The following MB21D2 variants were observed in gnomAD, a reference collection of about 807,000 sequenced individuals.
MB21D2 encodes the protein Mab-21 domain containing 2, also known as nucleotidyltransferase MB21D2.
Under a neutral mutation model 33.3 loss-of-function variants are expected in MB21D2, and 9 were observed. The observed-to-expected ratio is 0.27, with a 90% CI of 0.16 to 0.47. The LOEUF (loss-of-function observed/expected upper bound fraction) is 0.47. Ranked by LOEUF, MB21D2 falls within the 20% of genes least tolerant of loss-of-function variation. The probability of loss-of-function intolerance (pLI) is 0.99; values close to 1 mark genes in which losing one functional copy is unlikely to be tolerated. For synonymous variants in MB21D2, 241 were observed against 236.3 expected (o/e 1.02, Z -0.18); for missense variants, 540 against 624.6 (o/e 0.86, Z 1.44).
intron 1 of MB21D2, among the ~76,000 whole-genome samples, chr3:192,871,760 A>C (rs569682125): frequency 2.9e-4 from 44 of 152,176 alleles, no homozygotes; most frequent in African/African-American, 1.0e-3. Context: ...GTTAACAGGG[A>C]TGCTTTTTAA....
intron 1 of MB21D2, among the ~76,000 whole-genome samples, chr3:192,858,022 G>T (rs1172607612): frequency 6.6e-6 from 1 of 152,188 alleles, no homozygotes; most frequent in East Asian, 1.9e-4. Flanking sequence ...CTACCGGGGA[G>T]GCTGAGGCAG....
At chr3:192,897,064 G>A (rs1713991377) in intron 1 of MB21D2, among the ~76,000 whole-genome samples, 1 of 152,102 alleles carries the variant, frequency 6.6e-6, no homozygotes, top group African/African-American at 2.4e-5. Context: ...GAGAAAACGG[G>A]GAAATTAATA....
intron 1 of MB21D2, among the ~76,000 whole-genome samples, chr3:192,873,704 T>C (rs1328840660): frequency 2.0e-5 from 3 of 152,108 alleles, no homozygotes; most frequent in South Asian, 4.2e-4. Context: ...TTTCTTTTTT[T>C]GTTTTTGTTT....
chr3:192,822,224 A>G lies in MB21D2; in HGVS notation c.212-22574T>C, dbSNP rs531007057. ...GGAGGTTGGAATGGGGCATCTGCTT[A>G]AAGTTTTCATTCCTAATAAGAGATG... On this transcript the variant is annotated intron_variant, in intron 1 of 1. Coordinates refer to ENST00000392452, the MANE Select transcript of MB21D2 (RefSeq NM_178496.4). 2.4e-4 allele frequency among the ~76,000 whole-genome samples: 36 copies of G among 152,318 alleles called. 1 individual carries two copies. Among genetic ancestry groups the G allele is most frequent in the African/African-American group, 8.2e-4 (34 of 41,568 alleles).
chr3:192,857,285 T>C (rs1403674965), intron 1 of MB21D2, among the ~76,000 whole-genome samples: 1 of 152,204 alleles, frequency 6.6e-6, no homozygotes, highest in Non-Finnish European at 1.5e-5. Context: ...AATGGCATAA[T>C]GTAAGAACAA....
rs189884925 is a variant in MB21D2 at position 192,804,411 on chromosome 3, C to T, written c.212-4761G>A. Among the ~76,000 whole-genome samples the T allele has an allele frequency of 3.9e-3, 540 of 137,656 alleles. 6 individuals are homozygous for T. The highest frequency in any genetic ancestry group is 4.2e-3 in the Non-Finnish European group (272 of 64,508). 90.3% of individuals were successfully genotyped at this position (137,656 alleles called of 152,430 possible). Reference sequence around the variant, plus strand: ...TAAGTCAAAATAGTACCTGTATAGACTTCTTTAAAACAGATACACACACAC... The same window carrying T: ...TAAGTCAAAATAGTACCTGTATAGATTTCTTTAAAACAGATACACACACAC... On this transcript the variant is annotated intron_variant, in intron 1 of 1. Transcript: ENST00000392452.
chr3:192,896,089 A>G (rs141558099), intron 1 of MB21D2, among the ~76,000 whole-genome samples: 2 of 152,340 alleles, frequency 1.3e-5, no homozygotes, highest in East Asian at 3.9e-4. Context: ...AACATACAAC[A>G]CATGCATTAA....
At chr3:192,834,059 C>T (rs1257724707) in intron 1 of MB21D2, among the ~76,000 whole-genome samples, 1 of 152,164 alleles carries the variant, frequency 6.6e-6, no homozygotes, top group South Asian at 2.1e-4. Context: ...GGACCAATCA[C>T]ACTGCAGGTA....
At position 192,798,320 on chromosome 3, in the gene MB21D2, G is replaced by A. The variant is rs1487117844; in HGVS notation, c.*66C>T. 1.3e-6 allele frequency: 2 copies of A among 1,520,202 alleles called. No individual in the cohort carries two copies. Among genetic ancestry groups the A allele is most frequent in the African/African-American group, 2.8e-5 (2 of 72,230 alleles). 94.2% of individuals were successfully genotyped at this position (1,520,202 alleles called of 1,614,324 possible). On this transcript the variant is annotated 3_prime_UTR_variant, in exon 2 of 2. Coordinates refer to ENST00000392452, the MANE Select transcript of MB21D2 (RefSeq NM_178496.4). This position sits in a 1 kb window ranked among gnomAD's most constrained non-coding sequence, Gnocchi z 4.8. ...TGGATATGTAAAAAACAGAAAGATAGCATCACAAACCACACGACACATTAT... is the reference window on the plus strand; with the variant it reads ...TGGATATGTAAAAAACAGAAAGATAACATCACAAACCACACGACACATTAT...
intron 1 of MB21D2, among the ~76,000 whole-genome samples, chr3:192,857,871 T>C (rs2108632336): frequency 6.6e-6 from 1 of 152,274 alleles, no homozygotes; most frequent in South Asian, 2.1e-4. Flanking sequence ...ACACCTGTAA[T>C]CCCAGCACTT....
At chr3:192,827,126 G>A (rs1712191350) in intron 1 of MB21D2, among the ~76,000 whole-genome samples, 1 of 152,048 alleles carries the variant, frequency 6.6e-6, no homozygotes, top group African/African-American at 2.4e-5. Context: ...TCGATCTCCT[G>A]ACCTCGTGAT....
chr3:192,848,688 T>C (rs1255650690), intron 1 of MB21D2, among the ~76,000 whole-genome samples: 2 of 152,252 alleles, frequency 1.3e-5, no homozygotes, highest in Non-Finnish European at 2.9e-5. Flanking sequence ...GCATCCAGAA[T>C]CTACGTGTTA....
intron 1 of MB21D2, among the ~76,000 whole-genome samples, chr3:192,895,775 C>T (rs1181860814): frequency 1.3e-5 from 2 of 151,952 alleles, no homozygotes; most frequent in Non-Finnish European, 2.9e-5. Context: ...CTGTGTTGTC[C>T]CGGCTGGAGT....
At chr3:192,836,699 T>C (rs915939509) in intron 1 of MB21D2, among the ~76,000 whole-genome samples, 7 of 152,204 alleles carry the variant, frequency 4.6e-5, no homozygotes, top group Non-Finnish European at 1.0e-4. Context: ...AAATTTCTGC[T>C]GTTTAAGCTA....
intron 1 of MB21D2, among the ~76,000 whole-genome samples, chr3:192,863,320 T>G (rs1713094905): frequency 6.6e-6 from 1 of 152,114 alleles, no homozygotes; most frequent in African/African-American, 2.4e-5. Context: ...GGCCACCCAA[T>G]TTGTGGTGAT....
chr3:192,812,609 A>C (rs1711813118), intron 1 of MB21D2, among the ~76,000 whole-genome samples: 1 of 152,174 alleles, frequency 6.6e-6, no homozygotes, highest in African/African-American at 2.4e-5. Context: ...ATCTGCAAGC[A>C]AGGGACTCAT....
At chr3:192,832,955 A>G (rs1029335931) in intron 1 of MB21D2, among the ~76,000 whole-genome samples, 2 of 152,154 alleles carry the variant, frequency 1.3e-5, no homozygotes, top group Non-Finnish European at 2.9e-5. Flanking sequence ...CTATCTACCT[A>G]TGTCAAATAA....
chr3:192,832,870 T>C (rs1364605954), intron 1 of MB21D2, among the ~76,000 whole-genome samples: 2 of 152,210 alleles, frequency 1.3e-5, no homozygotes, highest in African/African-American at 2.4e-5. Context: ...TAAAAGTTGC[T>C]AGGCAACCAT....
intron 1 of MB21D2, among the ~76,000 whole-genome samples, chr3:192,865,366 T>A (rs1345507124): frequency 6.6e-6 from 1 of 152,158 alleles, no homozygotes. Flanking sequence ...CTGTCACCTT[T>A]CATAGTTTTG....
Sources: gnomAD v4.1 joint callset for allele counts (sites outside exome capture counted in the v4.1 genomes callset) on GRCh38, gnomAD v4.1.1 for gene constraint, Gnocchi (gnomAD v3.1) non-coding constraint, MANE v1.5 for transcripts, NCBI Gene and HGNC (gene_info 2026-07-23, HGNC 2026-07-21) for gene names.